KIF2C: variants seen among roughly 807,000 people sequenced by gnomAD.
The protein encoded by KIF2C is kinesin family member 2C.
A neutral mutation model predicts 97.4 loss-of-function variants in KIF2C; 34 were observed. The observed-to-expected ratio is 0.35, with a 90% CI of 0.27 to 0.46. KIF2C has a LOEUF of 0.46. Ranked by LOEUF, KIF2C falls within the 20% of genes least tolerant of loss-of-function variation. The pLI, the probability that KIF2C is intolerant of heterozygous loss-of-function variation, is 1.00. For synonymous variants in KIF2C, 313 were observed against 318.2 expected, an observed-to-expected ratio of 0.98 and a Z score of 0.17; for missense variants, 750 against 907.6, an observed-to-expected ratio of 0.83 and a Z score of 2.23.
intron 1 of KIF2C, 110 bp downstream of exon 1, chr1:44,740,112 C>G: frequency 3.1e-6 from 4 of 1,273,250 alleles, no homozygotes; most frequent in Non-Finnish European, 4.6e-6. Context: ...CTCTCCCTCC[C>G]TCCTTTTCAC....
At chr1:44,764,521 T>TG (rs202129535) in intron 19 of KIF2C, among the ~76,000 whole-genome samples, 17 of 148,806 alleles carry the variant, frequency 1.1e-4, no homozygotes, top group South Asian at 4.3e-4. Flanking sequence ...TTGTTTGTTT[T>TG]GGGGGGGGAT....
At chr1:44,741,996 CAAAAA>C (rs397980058) in intron 2 of KIF2C, among the ~76,000 whole-genome samples, 1 of 67,742 alleles carries the variant, frequency 1.5e-5, no homozygotes, top group South Asian at 6.7e-4. Context: ...GGACTTGTCT[CAAAAA>C]AAAAAAAAAA....
intron 4 of KIF2C, among the ~76,000 whole-genome samples, chr1:44,750,135 G>A (rs1358375271): frequency 6.6e-6 from 1 of 151,306 alleles, no homozygotes; most frequent in Non-Finnish European, 1.5e-5. Context: ...CTTAGATTAG[G>A]TCTCTCTCTC....
intron 5 of KIF2C, among the ~76,000 whole-genome samples, chr1:44,751,682 CT>C (rs1557593482): frequency 6.7e-6 from 1 of 149,862 alleles, no homozygotes; most frequent in Non-Finnish European, 1.5e-5. Context: ...CTAATTTTGT[CT>C]TTTTAGTAGA....
chr1:44,753,373 A>T, intron 6 of KIF2C, 119 bp downstream of exon 6: 1 of 1,132,492 alleles, frequency 8.8e-7, no homozygotes, highest in East Asian at 2.6e-5. Flanking sequence ...ACGTGGGGGC[A>T]TGTTTTCCTC....
At chr1:44,765,155 G>A (rs1274684715) in intron 19 of KIF2C, among the ~76,000 whole-genome samples, 1 of 152,126 alleles carries the variant, frequency 6.6e-6, no homozygotes, top group Non-Finnish European at 1.5e-5. Context: ...CAGGTGCAGT[G>A]AGTCATGCCT....
At chr1:44,747,360 G>T in intron 2 of KIF2C, 24 bp from the exon 3 acceptor site, 30 of 1,451,372 alleles carry the variant, frequency 2.1e-5, no homozygotes, top group Non-Finnish European at 2.7e-5. Flanking sequence ...TTGTTTCATT[G>T]AAACTTTTAC....
intron 2 of KIF2C, among the ~76,000 whole-genome samples, chr1:44,744,856 C>T (rs1012922737): frequency 2.0e-5 from 3 of 151,008 alleles, no homozygotes; most frequent in South Asian, 2.1e-4. Flanking sequence ...GCTGAGATCG[C>T]GCCATTGCAC....
chr1:44,765,712 G>T (rs1650424357), intron 19 of KIF2C, among the ~76,000 whole-genome samples: 1 of 152,170 alleles, frequency 6.6e-6, no homozygotes, highest in Non-Finnish European at 1.5e-5. Flanking sequence ...GCGCGTACCT[G>T]TAGTCTCAGC....
intron 16 of KIF2C, among the ~76,000 whole-genome samples, chr1:44,761,622 AAAAAG>A (rs1650151316): frequency 6.6e-6 from 1 of 150,666 alleles, no homozygotes; most frequent in Non-Finnish European, 1.5e-5. Context: ...AAAAAAAAGA[AAAAAG>A]AAAAAGATAG....
intron 19 of KIF2C, among the ~76,000 whole-genome samples, chr1:44,764,946 C>T (rs1013030256): frequency 6.6e-6 from 1 of 152,032 alleles, no homozygotes; most frequent in African/African-American, 2.4e-5. Flanking sequence ...ATGGTGAAAC[C>T]CCGTCTCTAC....
chr1:44,752,810 A>AAGACC (rs1397552682), intron 5 of KIF2C, among the ~76,000 whole-genome samples: 5 of 152,184 alleles, frequency 3.3e-5, no homozygotes, highest in Non-Finnish European at 7.3e-5. Flanking sequence ...TTTTCTCCCT[A>AAGACC]AGACCAGACC....
chr1:44,762,618 TGGA>T lies in KIF2C; in HGVS notation c.1936_1938del (p.Glu646del). 3 of 1,614,104 alleles carry T rather than the reference TGGA, an allele frequency of 1.9e-6. No individual in the cohort carries two copies. The South Asian group carries it at 3.3e-5, about 18-fold the overall frequency. ...GAAGCCATGACTCAGATCAGGGAGC[TGGA>T]GGAGAAGGCTATGGAAGAGCTCAAG... On this transcript the variant is annotated inframe_deletion, in exon 19 of 21. Coordinates refer to ENST00000372224, the MANE Select transcript of KIF2C (RefSeq NM_006845.4).
rs771576529 is a variant in KIF2C, at chr1:44,747,648, T to A, written c.268-4T>A. 1 of 1,613,848 alleles carries A rather than the reference T, an allele frequency of 6.2e-7. No individual in the cohort carries two copies. The highest frequency in any genetic ancestry group is 2.2e-5 in the East Asian group (1 of 44,880). On this transcript the variant is annotated splice_region_variant and splice_polypyrimidine_tract_variant and intron_variant, in intron 3 of 20. Coordinates refer to ENST00000372224, the MANE Select transcript of KIF2C (RefSeq NM_006845.4). ...ATATTGTGACAATTTGATTTGTTTT[T>A]CAGAAACAAAAACGGAGATCCGTCA...
At chr1:44,740,788 T>G (rs1428764536) in intron 1 of KIF2C, 125 bp from the exon 2 acceptor site, 2 of 431,762 alleles carry the variant, frequency 4.6e-6, no homozygotes, top group African/African-American at 4.0e-5. Flanking sequence ...AGTTTTTTTT[T>G]TTTTTTTTTT....
chr1:44,758,075 C>G lies in KIF2C; in HGVS notation c.1159C>G (p.Gln387Glu). The change falls in exon 13 of 21, where the codon CAA becomes GAA. Residue 387 changes from glutamine to glutamate, a missense_variant. Gln to Glu is a conservative substitution (Grantham distance 29, BLOSUM62 2). Transcript: ENST00000372224. ...CCGGGACGTCTTCCTCCTGAAGAAT[C>G]AACCCTGCTACCGGAAGTTGGGCCT... ...ASRDVFLLKN[Q>E]PCYRKLGLEV... 3.1e-6 allele frequency: 5 copies of G among 1,614,172 alleles called. No individual in the cohort carries two copies. The highest frequency in any genetic ancestry group is 4.2e-6 in the Non-Finnish European group (5 of 1,180,034).
At chr1:44,765,681 A>G (rs1432659324) in intron 19 of KIF2C, among the ~76,000 whole-genome samples, 2 of 151,650 alleles carry the variant, frequency 1.3e-5, no homozygotes, top group African/African-American at 4.8e-5. Flanking sequence ...AAAAAATAAA[A>G]AAAAATAGCC....
intron 19 of KIF2C, among the ~76,000 whole-genome samples, chr1:44,764,278 C>A (rs1056095982): frequency 6.6e-6 from 1 of 151,948 alleles, no homozygotes; most frequent in Non-Finnish European, 1.5e-5. Context: ...TGGGTTCAAG[C>A]GATTCTCCTT....
chr1:44,743,632 AT>A (rs1215265693), intron 2 of KIF2C, among the ~76,000 whole-genome samples: 2 of 152,168 alleles, frequency 1.3e-5, no homozygotes, highest in Non-Finnish European at 2.9e-5. Context: ...TCTACTAAAA[AT>A]AAAAAACAAT....
Sources: gnomAD v4.1 joint callset for allele counts (sites outside exome capture counted in the v4.1 genomes callset) on GRCh38, gnomAD v4.1.1 for gene constraint, MANE v1.5 for transcripts, NCBI Gene and HGNC (gene_info 2026-07-23, HGNC 2026-07-21) for gene names.